MCC: variants seen among roughly 807,000 people sequenced by gnomAD.
MCC encodes the protein colorectal mutant cancer protein.
In MCC, 90 loss-of-function variants were observed where a neutral mutation model predicts 116.2. The ratio of observed to expected loss-of-function variants is 0.77; its 90% CI spans 0.65 to 0.92. The LOEUF is 0.92. Among genes scored for constraint, MCC ranks in the 40% least tolerant of loss-of-function variants. MCC has a pLI of 0.00. For missense variants in MCC, 1,516 were observed against 1,312.2 expected (o/e 1.16, Z -2.40); for synonymous variants, 578 against 510.5 (o/e 1.13, Z -1.78).
At chr5:113,048,787 CAG>C (rs1392887689) in intron 16 of MCC, 9 of 479,528 alleles carry the variant, frequency 1.9e-5, no homozygotes, top group African/African-American at 5.9e-5. Flanking sequence ...TGCCGTGTGA[CAG>C]AGGATTAGAC....
chr5:113,030,433 C>T lies in MCC; in HGVS notation c.2757-1377G>A, dbSNP rs116544006. Among the ~76,000 whole-genome samples the T allele has an allele frequency of 8.8e-3, 1,342 of 152,264 alleles. 32 individuals are homozygous for T. Among genetic ancestry groups the T allele is most frequent in the African/African-American group, 0.031 (1,268 of 41,528 alleles). On this transcript the variant is annotated intron_variant, in intron 17 of 18. Transcript: ENST00000408903. ...GTGACTCATGCCTGTAATCTCAGCA[C>T]TTTAGGAGGCCAAGGAATGTGGATT...
chr5:113,222,996 A>T (rs1415690221), intron 3 of MCC, among the ~76,000 whole-genome samples: 2 of 152,244 alleles, frequency 1.3e-5, no homozygotes, highest in East Asian at 1.9e-4. Flanking sequence ...TAGGGCTCAG[A>T]TATTTTTCTG....
chr5:113,318,394 C>G (rs1355323212), intron 3 of MCC, among the ~76,000 whole-genome samples: 1 of 152,128 alleles, frequency 6.6e-6, no homozygotes, highest in African/African-American at 2.4e-5. Flanking sequence ...AGACTATGTA[C>G]CATCTGGGCT....
At chr5:113,144,815 G>A (rs917147417) in intron 4 of MCC, among the ~76,000 whole-genome samples, 5 of 152,146 alleles carry the variant, frequency 3.3e-5, no homozygotes, top group Admixed American at 1.3e-4. Flanking sequence ...ATACTTTCAG[G>A]AAAATACTCA....
rs62374707 is a variant in MCC at position 113,100,510 on chromosome 5, C to T, written c.1398+1229G>A. Among the ~76,000 whole-genome samples, 893 of 112,000 alleles carry T rather than the reference C, an allele frequency of 8.0e-3. 1 individual carries two copies. The highest frequency in any genetic ancestry group is 0.061 in the Middle Eastern group (5 of 82). The allele number at this position is 112,000 out of a possible 152,430, so 73.5% of individuals were successfully genotyped here. On this transcript the variant is annotated intron_variant, in intron 8 of 18. Coordinates refer to ENST00000408903, the MANE Select transcript of MCC (RefSeq NM_001085377.2). ...TTTTGGACATGGAGTCTCCTTCTGT[C>T]GCCCAGGCTGGAGTGCAGTGGTGCG...
At chr5:113,388,909 A>G (rs1436429067) in intron 1 of MCC, among the ~76,000 whole-genome samples, 3 of 152,190 alleles carry the variant, frequency 2.0e-5, no homozygotes, top group South Asian at 4.1e-4. Flanking sequence ...TTTCCATGCT[A>G]TCATCTAGCA....
intron 3 of MCC, among the ~76,000 whole-genome samples, chr5:113,278,737 G>C (rs1277323424): frequency 1.3e-5 from 2 of 152,200 alleles, no homozygotes; most frequent in African/African-American, 4.8e-5. Flanking sequence ...TATAGGTGGA[G>C]TGATCAACAG....
At chr5:113,415,709 C>A (rs964804397) in intron 1 of MCC, among the ~76,000 whole-genome samples, 1 of 152,060 alleles carries the variant, frequency 6.6e-6, no homozygotes, top group Non-Finnish European at 1.5e-5. Context: ...GTGATGGGTT[C>A]GAACATCCTC....
At chr5:113,181,012 A>G (rs6594693) in intron 3 of MCC, among the ~76,000 whole-genome samples, 141,610 of 152,250 alleles carry the variant, frequency 0.93, 65,931 homozygotes, top group Non-Finnish European at 0.94. Flanking sequence ...CAACCTCCCA[A>G]CTTGATTAAA....
chr5:113,235,283 A>C (rs1167553304), intron 3 of MCC, among the ~76,000 whole-genome samples: 1 of 152,250 alleles, frequency 6.6e-6, no homozygotes, highest in African/African-American at 2.4e-5. Context: ...AATGAATCAA[A>C]GAGGAATTTT....
intron 3 of MCC, among the ~76,000 whole-genome samples, chr5:113,153,144 G>T (rs1759977892): frequency 6.6e-6 from 1 of 152,158 alleles, no homozygotes; most frequent in African/African-American, 2.4e-5. Flanking sequence ...TCTTGAGAAA[G>T]GATTTGCCAC....
At chr5:113,360,817 CT>C (rs1452928659) in intron 2 of MCC, among the ~76,000 whole-genome samples, 3 of 152,184 alleles carry the variant, frequency 2.0e-5, no homozygotes, top group Admixed American at 6.5e-5. Flanking sequence ...ACTTGGCCAC[CT>C]TGCCTGCCAA....
intron 17 of MCC, among the ~76,000 whole-genome samples, chr5:113,043,187 C>T (rs1751840458): frequency 6.6e-6 from 1 of 152,194 alleles, no homozygotes; most frequent in African/African-American, 2.4e-5. Context: ...AGTATTCCTG[C>T]TGAAGTTGGA....
intron 2 of MCC, among the ~76,000 whole-genome samples, chr5:113,358,424 C>T (rs1241965749): frequency 6.6e-6 from 1 of 152,142 alleles, no homozygotes; most frequent in Non-Finnish European, 1.5e-5. Context: ...TGTTTTCTAC[C>T]TTTAGCTTCT....
Position 113,053,622 on chromosome 5 carries a change from G to A in MCC, c.2448+103C>T, listed in dbSNP as rs113283602. 101 of 755,310 alleles carry A rather than the reference G, an allele frequency of 1.3e-4. 2 individuals are homozygous for A. In the African/African-American group the frequency reaches 1.3e-3, roughly 10 times the overall value. 46.8% of individuals were successfully genotyped at this position (755,310 alleles called of 1,614,324 possible). A position where few individuals can be genotyped will look rare whatever the true frequency, so the allele number is the denominator to read the frequency against. On this transcript the variant is annotated intron_variant, in intron 15 of 18. Transcript: ENST00000408903. ...AAACAAGGGTCTAGCTCTTCTCTGG[G>A]CAGGAGGGGTTGATTCCTCCTTATC...
At chr5:113,402,753 T>C (rs1439707155) in intron 1 of MCC, among the ~76,000 whole-genome samples, 3 of 151,968 alleles carry the variant, frequency 2.0e-5, no homozygotes, top group African/African-American at 7.3e-5. Context: ...AAGGAGGAGA[T>C]TTAATGCAGC....
chr5:113,443,993 G>T (rs927146496), intron 1 of MCC, among the ~76,000 whole-genome samples: 4 of 147,164 alleles, frequency 2.7e-5, no homozygotes, highest in Non-Finnish European at 6.1e-5. Context: ...CGGCTAATTT[G>T]TGTGTGTGTG....
At chr5:113,481,600 G>C (rs772812770) in intron 1 of MCC, among the ~76,000 whole-genome samples, 32 of 151,986 alleles carry the variant, frequency 2.1e-4, no homozygotes, top group Admixed American at 5.9e-4. Flanking sequence ...TTAGCTGGGC[G>C]TGGTGGCGCA....
At chr5:113,385,295 T>C in intron 1 of MCC, 83 bp from the exon 2 acceptor site, 1 of 1,380,148 alleles carries the variant, frequency 7.2e-7, no homozygotes. Context: ...AAAAAAGGTA[T>C]TTCTTAAATA....
Sources: gnomAD v4.1 joint callset for allele counts (sites outside exome capture counted in the v4.1 genomes callset) on GRCh38, gnomAD v4.1.1 for gene constraint, MANE v1.5 for transcripts, NCBI Gene and HGNC (gene_info 2026-07-23, HGNC 2026-07-21) for gene names.